The following MSH4 variants were observed in gnomAD, a reference collection of about 807,000 sequenced individuals.
The protein encoded by MSH4 is mutS protein homolog 4.
In MSH4, 106 loss-of-function variants were observed where a neutral mutation model predicts 113.7. The observed-to-expected ratio is 0.93, with a 90% CI of 0.80 to 1.10. MSH4 has a LOEUF of 1.10. MSH4 is among the 50% of genes least tolerant of loss of function. The pLI is 0.00. For synonymous variants in MSH4, 368 were observed against 380.2 expected (o/e 0.97, Z 0.37); for missense variants, 1,061 against 1,093.7 (o/e 0.97, Z 0.42).
Position 75,864,916 on chromosome 1 carries a change from A to G in MSH4, c.1231-2598A>G, listed in dbSNP as rs5745421. Among the ~76,000 whole-genome samples the G allele has an allele frequency of 3.3e-5, 5 of 152,264 alleles. No homozygotes were observed. In the East Asian group the frequency reaches 7.8e-4, roughly 24 times the overall value. On this transcript the variant is annotated intron_variant, in intron 8 of 19. Transcript: ENST00000263187. ...TTTCTGAAGAATTTCTCTGGCCATA[A>G]GAGAGGCTGGAGGGTATTAGGGAAT...
At chr1:75,869,703 G>T (rs762504880) in intron 9 of MSH4, among the ~76,000 whole-genome samples, 56 of 152,298 alleles carry the variant, frequency 3.7e-4, no homozygotes, top group Middle Eastern at 6.8e-3. Flanking sequence ...CAGGTGCACA[G>T]AAGTCAAGAA....
At chr1:75,811,990 G>A (rs1557492100) in intron 4 of MSH4, among the ~76,000 whole-genome samples, 1 of 152,042 alleles carries the variant, frequency 6.6e-6, no homozygotes. Context: ...CACTTTATCT[G>A]TTCTTTTTCA....
chr1:75,850,186 A>G (rs1402169927), intron 8 of MSH4, among the ~76,000 whole-genome samples: 2 of 151,600 alleles, frequency 1.3e-5, no homozygotes, highest in African/African-American at 4.8e-5. Flanking sequence ...TGGTTTTATC[A>G]CTCTTCTGCT....
At chr1:75,881,514 A>G (rs2100572795) in intron 14 of MSH4, 144 bp downstream of exon 14, 3 of 810,794 alleles carry the variant, frequency 3.7e-6, no homozygotes, top group Non-Finnish European at 5.3e-6. Context: ...GACACAAAAT[A>G]AAGAAAGTGA....
At chr1:75,897,113 G>T (rs150092524) in intron 17 of MSH4, among the ~76,000 whole-genome samples, 1 of 152,194 alleles carries the variant, frequency 6.6e-6, no homozygotes, top group Non-Finnish European at 1.5e-5. Flanking sequence ...AAACGTAACT[G>T]GTTATTCAGA....
intron 8 of MSH4, among the ~76,000 whole-genome samples, chr1:75,866,182 C>T (rs1651558882): frequency 6.6e-6 from 1 of 152,058 alleles, no homozygotes; most frequent in South Asian, 2.1e-4. Flanking sequence ...ATCCCCCTGC[C>T]CTTTTTTGAG....
intron 1 of MSH4, among the ~76,000 whole-genome samples, chr1:75,801,418 A>G (rs1364128955): frequency 6.6e-6 from 1 of 151,862 alleles, no homozygotes; most frequent in Non-Finnish European, 1.5e-5. Flanking sequence ...TACAAAAAAA[A>G]AATAGCCAGG....
intron 4 of MSH4, 27 bp from the exon 5 acceptor site, chr1:75,814,994 T>C (rs758294628): frequency 1.4e-6 from 2 of 1,425,484 alleles, no homozygotes; most frequent in Admixed American, 1.7e-5. Flanking sequence ...CTTCAAACTT[T>C]ATTTTGAAAT....
chr1:75,891,705 C>A (rs534651814), intron 17 of MSH4, among the ~76,000 whole-genome samples: 1 of 152,268 alleles, frequency 6.6e-6, no homozygotes, highest in East Asian at 1.9e-4. Context: ...CCACTCACTT[C>A]AGCCTCCCAA....
intron 7 of MSH4, among the ~76,000 whole-genome samples, chr1:75,842,711 A>G (rs1171220528): frequency 5.3e-5 from 8 of 152,294 alleles, no homozygotes; most frequent in Non-Finnish European, 1.2e-4. Flanking sequence ...GTCTAGTGGT[A>G]ATGCCAGCGT....
In MSH4 at chr1:75,860,209, T is replaced by A. The variant is rs541529856; in HGVS notation, c.1231-7305T>A. On this transcript the variant is annotated intron_variant, in intron 8 of 19. Coordinates refer to ENST00000263187, the MANE Select transcript of MSH4 (RefSeq NM_002440.4). ...ACAGCATGCTGATGGGTCTTCACTGTTTATCCAACTTGCCAGTATGTGTCT... is the reference window on the plus strand; with the variant it reads ...ACAGCATGCTGATGGGTCTTCACTGATTATCCAACTTGCCAGTATGTGTCT... Among the ~76,000 whole-genome samples the A allele has an allele frequency of 5.9e-5, 9 of 152,312 alleles. No homozygotes were observed. The South Asian group carries it at 1.9e-3, about 32-fold the overall frequency.
At chr1:75,801,754 A>G (rs150919638) in intron 1 of MSH4, among the ~76,000 whole-genome samples, 245 of 151,508 alleles carry the variant, frequency 1.6e-3, no homozygotes, top group African/African-American at 4.1e-3. Context: ...CCTATAGTCC[A>G]TAGTTACTCA....
chr1:75,902,688 T>C (rs1190639811), intron 19 of MSH4, among the ~76,000 whole-genome samples: 2 of 10,028 alleles, frequency 2.0e-4, no homozygotes, highest in Non-Finnish European at 3.8e-4. Flanking sequence ...TATATATATA[T>C]ATATATATAT....
chr1:75,837,057 TC>T (rs1650844012), intron 7 of MSH4, among the ~76,000 whole-genome samples: 1 of 152,194 alleles, frequency 6.6e-6, no homozygotes, highest in South Asian at 2.1e-4. Flanking sequence ...GTCCTCACCT[TC>T]AAGGTGATAG....
At chr1:75,805,080 C>T (rs1650028886) in intron 2 of MSH4, among the ~76,000 whole-genome samples, 1 of 151,970 alleles carries the variant, frequency 6.6e-6, no homozygotes. Flanking sequence ...CCACCTTGGC[C>T]TCCTAAAGTG....
intron 19 of MSH4, among the ~76,000 whole-genome samples, chr1:75,911,407 G>A (rs1262128297): frequency 1.3e-5 from 2 of 152,002 alleles, no homozygotes; most frequent in Non-Finnish European, 2.9e-5. Flanking sequence ...CCTCTTCTAG[G>A]CTGTTTTATC....
At chr1:75,840,359 G>A (rs536611094) in intron 7 of MSH4, among the ~76,000 whole-genome samples, 151 of 146,790 alleles carry the variant, frequency 1.0e-3, no homozygotes, top group African/African-American at 3.6e-3. Flanking sequence ...ATGAGTTCAT[G>A]TCCTTTGTAG....
At chr1:75,898,521 T>TA (rs752682087) in intron 18 of MSH4, among the ~76,000 whole-genome samples, 522 of 23,968 alleles carry the variant, frequency 0.022, no homozygotes, top group African/African-American at 0.062. Context: ...CCAAACCATA[T>TA]TTTTTTTTTT....
rs144767182 is a variant in MSH4 at position 75,816,435 on chromosome 1, T to C, written c.878T>C (p.Val293Ala). Residue 293 changes from valine (V) to alanine (A), a missense_variant, in exon 6 of 20, where the codon GTT becomes GCT. Coordinates refer to ENST00000263187, the MANE Select transcript of MSH4 (RefSeq NM_002440.4). ...TATGTTGAATTTATTCAAAATTCAG[T>C]TTATGCACCAAAATCACTGAAGATT... ...LKYVEFIQNS[V>A]YAPKSLKICF... The C allele has an allele frequency of 3.7e-6, 6 of 1,609,936 alleles. No homozygotes were observed. The Admixed American group carries it at 1.0e-4, about 27-fold the overall frequency.
Sources: gnomAD v4.1 joint callset for allele counts (sites outside exome capture counted in the v4.1 genomes callset) on GRCh38, gnomAD v4.1.1 for gene constraint, MANE v1.5 for transcripts, NCBI Gene and HGNC (gene_info 2026-07-23, HGNC 2026-07-21) for gene names.